The following NAALAD2 variants were observed in gnomAD, a reference collection of about 807,000 sequenced individuals.
The protein encoded by NAALAD2 is N-acetylated alpha-linked acidic dipeptidase 2, also known as N-acetylated-alpha-linked acidic dipeptidase 2.
NAALAD2 carries 89 observed loss-of-function variants against 95.6 expected under a neutral mutation model. The observed-to-expected ratio is 0.93, with a 90% confidence interval of 0.78 to 1.11. The LOEUF is 1.11. NAALAD2 is among the 50% of genes least tolerant of loss of function. The pLI, the probability that NAALAD2 is intolerant of heterozygous loss-of-function variation, is 0.00. For missense variants in NAALAD2, 894 were observed against 872.4 expected (o/e 1.02, Z -0.31); for synonymous variants, 264 against 294.4 (o/e 0.90, Z 1.06).
chr11:90,134,608 G>A, upstream of NAALAD2: 1 of 655,068 alleles, frequency 1.5e-6, no homozygotes, highest in African/African-American at 1.8e-5. Context: ...GGGACCACAG[G>A]TCCCCAGCGG....
chr11:90,145,121 G>A (rs1951719097), intron 2 of NAALAD2, among the ~76,000 whole-genome samples: 1 of 152,092 alleles, frequency 6.6e-6, no homozygotes, highest in Non-Finnish European at 1.5e-5. Context: ...CTAATGAAAT[G>A]GGAGAAAAAC....
chr11:90,135,528 G>A (rs749761775), intron 1 of NAALAD2, 31 bp from the exon 2 acceptor site: 119 of 1,481,312 alleles, frequency 8.0e-5, no homozygotes, highest in Non-Finnish European at 1.0e-4. Context: ...TTGTGTGTAT[G>A]TGTGCATGTT....
intron 8 of NAALAD2, among the ~76,000 whole-genome samples, chr11:90,160,938 T>C (rs527673541): frequency 6.6e-6 from 1 of 152,306 alleles, no homozygotes; most frequent in African/African-American, 2.4e-5. Flanking sequence ...TTAATCCATT[T>C]ACAGATATTA....
At chr11:90,177,457 A>G (rs777170966) in intron 15 of NAALAD2, among the ~76,000 whole-genome samples, 2 of 151,942 alleles carry the variant, frequency 1.3e-5, no homozygotes, top group Non-Finnish European at 2.9e-5. Context: ...GGTTACATAA[A>G]TTATAAAACA....
chr11:90,176,094 A>G, intron 15 of NAALAD2, 32 bp downstream of exon 15: 1 of 1,518,570 alleles, frequency 6.6e-7, no homozygotes, highest in South Asian at 1.1e-5. Context: ...AATATATAAC[A>G]TTTCATCTAC....
At chr11:90,165,801 T>C (rs569138371) in intron 11 of NAALAD2, among the ~76,000 whole-genome samples, 3 of 152,350 alleles carry the variant, frequency 2.0e-5, no homozygotes, top group African/African-American at 7.2e-5. Context: ...TAGAAACATG[T>C]GATTTCTTGT....
chr11:90,166,606 C>T (rs112198484), intron 11 of NAALAD2, among the ~76,000 whole-genome samples: 55 of 152,140 alleles, frequency 3.6e-4, no homozygotes, highest in Non-Finnish European at 6.0e-4. Context: ...GAGGCCAAGG[C>T]GGGCGGATCA....
intron 13 of NAALAD2, among the ~76,000 whole-genome samples, chr11:90,172,205 G>C (rs1195408518): frequency 6.6e-6 from 1 of 152,182 alleles, no homozygotes; most frequent in East Asian, 1.9e-4. Flanking sequence ...AACCCAGTCA[G>C]CTGGCTAGAA....
At chr11:90,187,149 A>C (rs992786035) in intron 18 of NAALAD2, among the ~76,000 whole-genome samples, 19 of 151,392 alleles carry the variant, frequency 1.3e-4, no homozygotes, top group South Asian at 6.3e-4. Context: ...TTAGAATGGC[A>C]ATCATTAAAA....
intron 18 of NAALAD2, among the ~76,000 whole-genome samples, chr11:90,190,675 A>G (rs1041722509): frequency 2.0e-5 from 3 of 152,168 alleles, no homozygotes; most frequent in African/African-American, 7.2e-5. Flanking sequence ...TTTAATTTTA[A>G]AAAAATCCAT....
intron 6 of NAALAD2, among the ~76,000 whole-genome samples, chr11:90,154,342 G>A (rs1187738510): frequency 4.6e-5 from 7 of 151,708 alleles, no homozygotes; most frequent in South Asian, 2.1e-4. Flanking sequence ...TATACTGGGC[G>A]TTTTCATTAG....
chr11:90,157,231 A>T (rs1458214993), intron 6 of NAALAD2, among the ~76,000 whole-genome samples: 1 of 152,166 alleles, frequency 6.6e-6, no homozygotes, highest in Non-Finnish European at 1.5e-5. Flanking sequence ...TCATGATAGA[A>T]CTATTATTTT....
Position 90,158,203 on chromosome 11 carries a change from T to C in NAALAD2, c.855T>C (p.His285=). Residue 285 remains histidine, a synonymous_variant, in exon 7 of 19, where the codon CAT becomes CAC. Coordinates refer to ENST00000534061, the MANE Select transcript of NAALAD2 (RefSeq NM_005467.4). ...TGGGAATCCCCCGAATACCTGTACA[T>C]CCCATTGGATATAATGATGCAGAAA... ...EGVGIPRIPV[H]PIGYNDAEIL... is the part of the protein sequence containing the mutation. 6.2e-7 allele frequency: 1 copy of C among 1,610,758 alleles called. No homozygotes were observed. Among genetic ancestry groups the C allele is most frequent in the Non-Finnish European group, 8.5e-7 (1 of 1,177,582 alleles).
intron 11 of NAALAD2, among the ~76,000 whole-genome samples, chr11:90,165,992 A>G (rs1191611844): frequency 6.6e-6 from 1 of 152,210 alleles, no homozygotes. Context: ...TATATTCAGT[A>G]GCATGCTTAC....
At chr11:90,175,861 A>G (rs1316674117) in intron 14 of NAALAD2, 111 bp from the exon 15 acceptor site, 12 of 565,320 alleles carry the variant, frequency 2.1e-5, no homozygotes, top group Non-Finnish European at 2.8e-5. Flanking sequence ...GTAATATATA[A>G]TTCCTTGCTA....
intron 13 of NAALAD2, among the ~76,000 whole-genome samples, chr11:90,171,317 C>T (rs1054801589): frequency 6.6e-6 from 1 of 152,168 alleles, no homozygotes; most frequent in Non-Finnish European, 1.5e-5. Flanking sequence ...TTACCCCTCT[C>T]TTTTTCATGT....
At chr11:90,133,829 C>CT (rs34638303), upstream of NAALAD2, among the ~76,000 whole-genome samples, 12,209 of 149,628 alleles carry the variant, frequency 0.082, 666 homozygotes, top group Non-Finnish European at 0.13. Flanking sequence ...GAAAGAAACT[C>CT]TTTTTTTTTT....
intron 2 of NAALAD2, among the ~76,000 whole-genome samples, chr11:90,140,158 G>A (rs1379188349): frequency 6.6e-6 from 1 of 151,988 alleles, no homozygotes; most frequent in Non-Finnish European, 1.5e-5. Flanking sequence ...ATCACACAGT[G>A]GTTTAAGCAG....
intron 13 of NAALAD2, among the ~76,000 whole-genome samples, chr11:90,170,725 T>C (rs1208049339): frequency 1.3e-5 from 2 of 152,116 alleles, no homozygotes; most frequent in Non-Finnish European, 2.9e-5. Flanking sequence ...AAGAAGAGGT[T>C]TGCAGAGTCA....
Sources: allele counts gnomAD v4.1 joint callset (sites outside exome capture counted in the v4.1 genomes callset), GRCh38; gene constraint gnomAD v4.1.1; transcripts MANE v1.5; gene names NCBI Gene and HGNC (gene_info 2026-07-23, HGNC 2026-07-21).